Variants in IDS observed in about 807,000 individuals in gnomAD.
The protein encoded by IDS is iduronate 2-sulfatase, also known as alpha-L-iduronate sulfate sulfatase.
Under a neutral mutation model 33.5 loss-of-function variants are expected in IDS, and 1 was observed. The ratio of observed to expected loss-of-function variants is 0.03; its 90% CI spans 0.01 to 0.14. The LOEUF (loss-of-function observed/expected upper bound fraction) is 0.14, where lower values mean the gene tolerates loss of function less well. IDS is among the 10% of genes least tolerant of loss of function. IDS has a pLI of 1.00. For synonymous variants in IDS, 191 were observed against 184.4 expected (o/e 1.04, Z -0.29); for missense variants, 328 against 448.0 (o/e 0.73, Z 2.42).
intron 3 of IDS, 122 bp downstream of exon 3, chrX:149,503,190 C>G (rs1557340189): frequency 8.6e-7 from 1 of 1,168,471 alleles, no homozygotes; most frequent in African/African-American, 1.8e-5. Flanking sequence ...GAAGCACTGA[C>G]TAGCGAGGGA....
At chrX:149,504,984 G>A (rs1557340542) in intron 1 of IDS, 51 bp downstream of exon 1, 8 of 909,174 alleles carry the variant, frequency 8.8e-6, no homozygotes, top group Non-Finnish European at 1.3e-5. Flanking sequence ...GAAGGAGGAA[G>A]GAAGGGAGGG....
intron 2 of IDS, among the ~76,000 whole-genome samples, chrX:149,503,786 T>C (rs1163564003): frequency 1.3e-4 from 15 of 112,129 alleles, no homozygotes; most frequent in African/African-American, 4.2e-4. Context: ...ATGAGGGGGT[T>C]CAGGGAGCAG....
At chrX:149,488,754 T>C (rs1216630399) in intron 7 of IDS, among the ~76,000 whole-genome samples, 1 of 110,937 alleles carries the variant, frequency 9.0e-6, no homozygotes, top group Non-Finnish European at 1.9e-5. Flanking sequence ...TACGGGGAAG[T>C]CTGGCTAAGG....
At chrX:149,489,334 C>T (rs782752036) in intron 7 of IDS, among the ~76,000 whole-genome samples, 1 of 112,398 alleles carries the variant, frequency 8.9e-6, no homozygotes, top group African/African-American at 3.2e-5. Flanking sequence ...CAAGCAATCA[C>T]ATCTTGTGAC....
Position 149,504,161 on chromosome X carries a change from G to A in IDS, c.236C>T (p.Ala79Val), listed in dbSNP as rs368513342. 7 of 1,207,003 alleles carry A rather than the reference G, an allele frequency of 5.8e-6. No individual in the cohort carries two copies. Among genetic ancestry groups the A allele is most frequent in the South Asian group, 5.3e-5 (3 of 56,281 alleles). The stretch of plus-strand genomic sequence containing the variant: ...GCTAGAGGTTCCCAGACATACCTGC[G>A]CAAAGGCATTCTGGAAGAGGAGGCT... ...SHSLLFQNAFAQQAVCAPSRV... is the reference protein window; with the variant it reads ...SHSLLFQNAFVQQAVCAPSRV... Residue 79 changes from alanine to valine, a missense_variant, in exon 2 of 9, where the codon GCG becomes GTG. Transcript: ENST00000340855.
chrX:149,484,766 T>C (rs782109256), intron 8 of IDS, among the ~76,000 whole-genome samples: 5 of 112,779 alleles, frequency 4.4e-5, no homozygotes, highest in African/African-American at 6.4e-5. Flanking sequence ...TGCACTACCA[T>C]TCTGGCCCTT....
Position 149,505,152 on chromosome X carries a change from G to A in IDS, c.-15C>T. 1 of 1,160,309 alleles carries A rather than the reference G, an allele frequency of 8.6e-7. No individual in the cohort carries two copies. Among genetic ancestry groups the A allele is most frequent in the Non-Finnish European group, 1.2e-6 (1 of 852,682 alleles). ...GGTGGCGGCATTTCGGCTTCGACGC[G>A]GCCGCTTCAGAGCGGCGGGGACAGG... On this transcript the variant is annotated 5_prime_UTR_variant, in exon 1 of 9. Transcript: ENST00000340855.
chrX:149,496,836 G>A (rs1358810092), intron 5 of IDS, among the ~76,000 whole-genome samples: 6 of 112,186 alleles, frequency 5.3e-5, no homozygotes. Context: ...GTGAGGTGTT[G>A]GGTTCCCAAA....
At chrX:149,504,967 A>G (rs1175218103) in intron 1 of IDS, 68 bp downstream of exon 1, 6 of 806,621 alleles carry the variant, frequency 7.4e-6, no homozygotes, top group Non-Finnish European at 1.1e-5. Context: ...AGAAGGAAGG[A>G]AAGAAGGAAG....
At chrX:149,486,860 G>T in intron 8 of IDS, 65 bp downstream of exon 8, 1 of 1,101,053 alleles carries the variant, frequency 9.1e-7, no homozygotes, top group Non-Finnish European at 1.3e-6. Flanking sequence ...ATTCAATAAA[G>T]TGGTTCACAT....
rs1317188043 is a variant in IDS, at chrX:149,477,602, G to A, written c.*5144C>T. 2.7e-5 allele frequency: 3 copies of A among 112,924 alleles called. No homozygotes were observed. The highest frequency in any genetic ancestry group is 5.6e-5 in the Non-Finnish European group (3 of 53,339). The allele number at this position is 112,924 out of a possible 1,213,427, so 9.3% of individuals were successfully genotyped here. ...TCAGGCAGGGCATGGAGTAATAGCC[G>A]GGAAACTCTGATCCCAAAGAAAACC... On this transcript the variant is annotated 3_prime_UTR_variant, in exon 9 of 9. Transcript: ENST00000340855.
intron 6 of IDS, chrX:149,491,791 C>T: frequency 2.6e-6 from 1 of 391,786 alleles, no homozygotes; most frequent in South Asian, 3.1e-5. Flanking sequence ...TGAGCCACCC[C>T]ATCCAGTGAG....
chrX:149,495,674 G>C (rs2089430600), intron 6 of IDS: 1 of 113,708 alleles, frequency 8.8e-6, no homozygotes, highest in Non-Finnish European at 1.9e-5. Context: ...CATGTGGTAA[G>C]AGAAGGGCAG....
rs782520784 is a variant in IDS, at chrX:149,477,727, G to A, written c.*5019C>T. 1.8e-4 allele frequency: 20 copies of A among 112,830 alleles called. No individual in the cohort carries two copies. The highest frequency in any genetic ancestry group is 3.0e-4 in the Non-Finnish European group (16 of 53,320). 9.3% of individuals were successfully genotyped at this position (112,830 alleles called of 1,213,427 possible). ...TGAGTTAGTGGACAGGGACACCAAC[G>A]GGAGCTTTCAGTAACATGTGGAAAG... On this transcript the variant is annotated 3_prime_UTR_variant, in exon 9 of 9. Transcript: ENST00000340855.
intron 6 of IDS, among the ~76,000 whole-genome samples, chrX:149,494,037 G>A (rs1374673149): frequency 2.7e-5 from 3 of 111,734 alleles, no homozygotes; most frequent in Non-Finnish European, 5.7e-5. Flanking sequence ...CAGAGGACAA[G>A]TGAGGTGAGC....
At position 149,481,675 on chromosome X, in the gene IDS, G is replaced by T. The variant is rs1267966800; in HGVS notation, c.*1071C>A. 1.8e-5 allele frequency: 2 copies of T among 111,923 alleles called. No individual in the cohort carries two copies. The highest frequency in any genetic ancestry group is 3.8e-5 in the Non-Finnish European group (2 of 53,137). 9.2% of individuals were successfully genotyped at this position (111,923 alleles called of 1,213,427 possible). A position where few individuals can be genotyped will look rare whatever the true frequency, so the allele number is the denominator to read the frequency against. ...TACACTAAGCTTTTTACTACCACTG[G>T]CCTTTCTGGATACTTTCATATTTAG... On this transcript the variant is annotated 3_prime_UTR_variant, in exon 9 of 9. Coordinates refer to ENST00000340855, the MANE Select transcript of IDS (RefSeq NM_000202.8).
rs782445506 is a variant in IDS at position 149,490,439 on chromosome X, C to T, written c.881G>A (p.Arg294Gln). The stretch of plus-strand genomic sequence containing the variant: ...GGCAAAGTAGCTCTGGCGGATTTTC[C>T]GCTGCAAATTGAAAAAAAATAAAAA... ...PYGPIPVDFQRKIRQSYFASV... is the reference protein window; with the variant it reads ...PYGPIPVDFQQKIRQSYFASV... The change falls in exon 7 of 9, where the codon CGG becomes CAG. Residue 294 changes from arginine (R) to glutamine (Q), a missense_variant and splice_region_variant. This residue lies in a region of IDS where 265 missense variants were observed against 339.2 expected (regional missense o/e 0.78). Transcript: ENST00000340855. 263 of 1,208,556 alleles carry T rather than the reference C, an allele frequency of 2.2e-4. No homozygotes were observed. Among genetic ancestry groups the T allele is most frequent in the Non-Finnish European group, 2.8e-4 (250 of 894,376 alleles).
Position 149,505,215 on chromosome X carries a change from CCA to C in IDS, c.-80_-79del. 2 of 694,021 alleles carry C rather than the reference CCA, an allele frequency of 2.9e-6. No individual in the cohort carries two copies. Among genetic ancestry groups the C allele is most frequent in the South Asian group, 5.8e-5 (2 of 34,353 alleles). The allele number at this position is 694,021 out of a possible 1,213,427, so 57.2% of individuals were successfully genotyped here. On this transcript the variant is annotated 5_prime_UTR_variant, in exon 1 of 9. An upstream open reading frame in the 5' UTR loses its in-frame stop. Coordinates refer to ENST00000340855, the MANE Select transcript of IDS (RefSeq NM_000202.8). Reference sequence around the variant, plus strand: ...GCGCAGTTAGCAGCCGCCGCCGCAGCCACAGAGACCTCCTCGTCGGGAACCCA... The same window carrying C: ...GCGCAGTTAGCAGCCGCCGCCGCAGCCAGAGACCTCCTCGTCGGGAACCCA...
rs2089288732 is a variant in IDS, at chrX:149,480,282, A to G, written c.*2464T>C. 3.4e-6 allele frequency: 1 copy of G among 294,784 alleles called. No individual in the cohort carries two copies. Among genetic ancestry groups the G allele is most frequent in the African/African-American group, 2.8e-5 (1 of 36,006 alleles). 24.3% of individuals were successfully genotyped at this position (294,784 alleles called of 1,213,427 possible). A position where few individuals can be genotyped will look rare whatever the true frequency, so the allele number is the denominator to read the frequency against. On this transcript the variant is annotated 3_prime_UTR_variant, in exon 9 of 9. Transcript: ENST00000340855. ...AGGAAAGAGGAGGGGTGGGTAAACT[A>G]CTTGGAAAGAAAGGGAGAAGGACTG...
Sources: gnomAD v4.1 joint callset for allele counts (sites outside exome capture counted in the v4.1 genomes callset) on GRCh38, gnomAD v4.1.1 for gene constraint, gnomAD v4.1.1 regional missense constraint, MANE v1.5 for transcripts, NCBI Gene and HGNC (gene_info 2026-07-23, HGNC 2026-07-21) for gene names.